Variants in AUTS2 observed in about 807,000 individuals in gnomAD.
The protein encoded by AUTS2 is activator of transcription and developmental regulator AUTS2, also known as autism susceptibility gene 2 protein.
Under a neutral mutation model 112.4 loss-of-function variants are expected in AUTS2, and 17 were observed. The ratio of observed to expected loss-of-function variants is 0.15; its 90% CI spans 0.10 to 0.23. The LOEUF is 0.23. Among genes scored for constraint, AUTS2 ranks in the 10% least tolerant of loss-of-function variants. The pLI is 1.00. For synonymous variants in AUTS2, 751 were observed against 702.7 expected (o/e 1.07, Z -1.09); for missense variants, 1,510 against 1,701.6 (o/e 0.89, Z 1.98).
rs141951916 is a variant in AUTS2 at position 70,661,042 on chromosome 7, A to G, written c.691-37527A>G. 3.3e-5 allele frequency among the ~76,000 whole-genome samples: 5 copies of G among 151,892 alleles called. No individual in the cohort carries two copies. The East Asian group carries it at 9.7e-4, about 29-fold the overall frequency. On this transcript the variant is annotated intron_variant, in intron 5 of 18. Coordinates refer to ENST00000342771, the MANE Select transcript of AUTS2 (RefSeq NM_015570.4). ...CTTCTTTATTCATTTGTTGACTTTT[A>G]TTTGTCTTTCTCCCCTACTAGAACA...
intron 2 of AUTS2, among the ~76,000 whole-genome samples, chr7:69,917,822 T>TTTGTTG (rs58362194): frequency 0.049 from 7,264 of 149,176 alleles, 299 homozygotes; most frequent in African/African-American, 0.1. Flanking sequence ...CAAGGACACC[T>TTTGTTG]TTGTTGTTGT....
chr7:70,102,039 T>G (rs140497636), intron 2 of AUTS2, among the ~76,000 whole-genome samples: 66 of 152,302 alleles, frequency 4.3e-4, no homozygotes, highest in Admixed American at 8.5e-4. Context: ...ACATTTTGGT[T>G]TAAAGACTTC....
At chr7:70,022,254 G>A (rs1458657618) in intron 2 of AUTS2, among the ~76,000 whole-genome samples, 1 of 151,660 alleles carries the variant, frequency 6.6e-6, no homozygotes, top group African/African-American at 2.4e-5. Flanking sequence ...TCTGAAGAAA[G>A]GAGGCTCTTC....
At chr7:70,372,636 T>C (rs2129630453) in intron 4 of AUTS2, among the ~76,000 whole-genome samples, 1 of 151,882 alleles carries the variant, frequency 6.6e-6, no homozygotes, top group Non-Finnish European at 1.5e-5. Flanking sequence ...TCATCTTTGC[T>C]TGCTTCTTAC....
intron 4 of AUTS2, among the ~76,000 whole-genome samples, chr7:70,141,679 C>G (rs2129575453): frequency 6.6e-6 from 1 of 152,260 alleles, no homozygotes; most frequent in Non-Finnish European, 1.5e-5. Flanking sequence ...CGCAGATAAA[C>G]TCTCTAATTT....
chr7:70,519,353 C>A (rs1374472444), intron 5 of AUTS2, among the ~76,000 whole-genome samples: 1 of 152,184 alleles, frequency 6.6e-6, no homozygotes, highest in Non-Finnish European at 1.5e-5. Context: ...AAAGGGAAAT[C>A]TCCTCTGAGC....
intron 4 of AUTS2, among the ~76,000 whole-genome samples, chr7:70,231,697 C>T (rs1253952767): frequency 2.0e-5 from 3 of 151,896 alleles, no homozygotes; most frequent in African/African-American, 7.3e-5. Flanking sequence ...CCCGCCTCAG[C>T]GTCCAAAGTG....
At chr7:69,908,093 A>AT (rs1228901180) in intron 2 of AUTS2, among the ~76,000 whole-genome samples, 1 of 152,154 alleles carries the variant, frequency 6.6e-6, no homozygotes, top group Admixed American at 6.5e-5. Flanking sequence ...ATATAACTGC[A>AT]TTTTTTTAGT....
rs568555102 is a variant in AUTS2 at position 69,859,305 on chromosome 7, T to C, written c.310-39981T>C. On this transcript the variant is annotated intron_variant, in intron 1 of 18. Transcript: ENST00000342771. ...GTTAGAGGTGAATAGATGGTATATGTAAGAGCTTTATGTTTTGGTCATACT... is the reference window on the plus strand; with the variant it reads ...GTTAGAGGTGAATAGATGGTATATGCAAGAGCTTTATGTTTTGGTCATACT... Among the ~76,000 whole-genome samples, 6 of 152,338 alleles carry C rather than the reference T, an allele frequency of 3.9e-5. No individual in the cohort carries two copies. The East Asian group carries it at 1.2e-3, about 29-fold the overall frequency.
At chr7:69,945,074 A>T (rs1365441252) in intron 2 of AUTS2, among the ~76,000 whole-genome samples, 3 of 151,602 alleles carry the variant, frequency 2.0e-5, no homozygotes, top group Admixed American at 6.6e-5. Flanking sequence ...AAAGGTAATG[A>T]TACCTGTTTC....
At position 70,792,368 on chromosome 7, in the gene AUTS2, G is replaced by A. The variant is rs1475841819; in HGVS notation, c.*1372G>A. ...ATTTGGAGAGAATATGACTTTACTA[G>A]CAGAGAAATACAATATATCTTGTCT... On this transcript the variant is annotated 3_prime_UTR_variant, in exon 19 of 19. Transcript: ENST00000342771. The A allele has an allele frequency of 6.6e-6, 1 of 151,984 alleles. No individual in the cohort carries two copies. Among genetic ancestry groups the A allele is most frequent in the Non-Finnish European group, 1.5e-5 (1 of 68,000 alleles). 9.4% of individuals were successfully genotyped at this position (151,984 alleles called of 1,614,324 possible).
chr7:69,740,469 A>G (rs1237765409), intron 1 of AUTS2, among the ~76,000 whole-genome samples: 2 of 152,204 alleles, frequency 1.3e-5, no homozygotes, highest in East Asian at 1.9e-4. Context: ...GGAAGACACA[A>G]TTGTGAAACA....
chr7:69,821,454 G>A (rs183457561), intron 1 of AUTS2, among the ~76,000 whole-genome samples: 2 of 152,200 alleles, frequency 1.3e-5, no homozygotes, highest in East Asian at 1.9e-4. Flanking sequence ...CAGGACGTGG[G>A]CAGGGACAAA....
chr7:69,995,313 A>G (rs570590081), intron 2 of AUTS2, among the ~76,000 whole-genome samples: 1 of 152,352 alleles, frequency 6.6e-6, no homozygotes, highest in East Asian at 1.9e-4. Flanking sequence ...TCTGAAATAA[A>G]TGTCATGAAT....
intron 5 of AUTS2, among the ~76,000 whole-genome samples, chr7:70,453,558 A>T (rs1585163295): frequency 6.6e-6 from 1 of 152,254 alleles, no homozygotes; most frequent in South Asian, 2.1e-4. Flanking sequence ...GGATGCTAGA[A>T]GTTAAGCATC....
intron 2 of AUTS2, among the ~76,000 whole-genome samples, chr7:69,917,756 G>C (rs1795643855): frequency 2.0e-5 from 3 of 152,098 alleles, no homozygotes; most frequent in Admixed American, 2.0e-4. Context: ...TGAGAACATA[G>C]GGTATTTGGT....
intron 5 of AUTS2, among the ~76,000 whole-genome samples, chr7:70,483,483 G>A (rs1441102912): frequency 1.3e-5 from 2 of 152,094 alleles, no homozygotes; most frequent in Non-Finnish European, 2.9e-5. Context: ...CCCCCATTTG[G>A]TCCTGATTTT....
At chr7:70,012,434 T>C (rs1367153392) in intron 2 of AUTS2, among the ~76,000 whole-genome samples, 3 of 152,228 alleles carry the variant, frequency 2.0e-5, no homozygotes, top group East Asian at 1.9e-4. Context: ...TGTAAAAATA[T>C]GGGTCTTTAT....
chr7:70,672,573 C>T (rs1468089881), intron 5 of AUTS2, among the ~76,000 whole-genome samples: 1 of 152,078 alleles, frequency 6.6e-6, no homozygotes, highest in Non-Finnish European at 1.5e-5. Flanking sequence ...TCACTGCTTC[C>T]TCGAAAGGGT....
Sources: gnomAD v4.1 joint callset for allele counts (sites outside exome capture counted in the v4.1 genomes callset) on GRCh38, gnomAD v4.1.1 for gene constraint, MANE v1.5 for transcripts, NCBI Gene and HGNC (gene_info 2026-07-23, HGNC 2026-07-21) for gene names.